Variants in CPS1 observed in about 807,000 individuals in gnomAD.
CPS1 encodes carbamoyl-phosphate synthase [ammonia], mitochondrial.
Under a neutral mutation model 174.6 loss-of-function variants are expected in CPS1, and 109 were observed. That is an observed-to-expected ratio of 0.62 (90% CI 0.53 to 0.73). The LOEUF is 0.73. CPS1 is among the 30% of genes least tolerant of loss of function. CPS1 has a pLI of 0.00. For synonymous variants in CPS1, 637 were observed against 632.0 expected (o/e 1.01, Z -0.12); for missense variants, 1,689 against 1,821.9 (o/e 0.93, Z 1.33).
At chr2:210,635,449 T>A (rs1392912368) in intron 21 of CPS1, among the ~76,000 whole-genome samples, 1 of 152,254 alleles carries the variant, frequency 6.6e-6, no homozygotes, top group Admixed American at 6.5e-5. Flanking sequence ...TAGAAATTTC[T>A]GTGATGATGA....
At chr2:210,553,552 A>T (rs973211167), upstream of CPS1, among the ~76,000 whole-genome samples, 3 of 125,872 alleles carry the variant, frequency 2.4e-5, no homozygotes, top group African/African-American at 8.4e-5. Context: ...CCTGGCTCAC[A>T]AAGAATGTAC....
intron 20 of CPS1, among the ~76,000 whole-genome samples, chr2:210,614,235 A>C (rs1448206939): frequency 1.3e-5 from 2 of 151,938 alleles, no homozygotes; most frequent in Non-Finnish European, 2.9e-5. Flanking sequence ...ATGAGGTCTT[A>C]AGACTGGCAG....
intron 20 of CPS1, among the ~76,000 whole-genome samples, chr2:210,615,145 C>A (rs1474654004): frequency 6.6e-6 from 1 of 151,912 alleles, no homozygotes; most frequent in African/African-American, 2.4e-5. Context: ...TGTGTGAAAA[C>A]CTCCTTTGAT....
At chr2:210,657,974 T>C (rs139049241) in intron 30 of CPS1, among the ~76,000 whole-genome samples, 2 of 152,346 alleles carry the variant, frequency 1.3e-5, no homozygotes, top group East Asian at 3.9e-4. Context: ...TGAACCACTC[T>C]TGTGAGCATA....
At chr2:210,478,619 A>T (rs533279134) in intron 1 of CPS1, among the ~76,000 whole-genome samples, 1 of 152,248 alleles carries the variant, frequency 6.6e-6, no homozygotes, top group Non-Finnish European at 1.5e-5. Flanking sequence ...TTTCATTTCG[A>T]TGAAGTTAAA....
At chr2:210,557,609 A>C (rs16844619) in intron 1 of CPS1, among the ~76,000 whole-genome samples, 30,765 of 152,006 alleles carry the variant, frequency 0.2, 3,639 homozygotes, top group African/African-American at 0.31. Flanking sequence ...GAAGACGTTC[A>C]TTATCAGAGA....
chr2:210,572,579 C>T (rs2106071853), intron 1 of CPS1, among the ~76,000 whole-genome samples: 1 of 152,102 alleles, frequency 6.6e-6, no homozygotes, highest in South Asian at 2.1e-4. Flanking sequence ...TTGGTAGACA[C>T]TGGCTCAAAG....
At chr2:210,638,094 G>GAACAA (rs764172615) in intron 22 of CPS1, among the ~76,000 whole-genome samples, 1 of 152,080 alleles carries the variant, frequency 6.6e-6, no homozygotes, top group Non-Finnish European at 1.5e-5. Context: ...TGGCCTAACT[G>GAACAA]AACAAAACAA....
Position 210,606,765 on chromosome 2 carries a change from C to T in CPS1, c.2016C>T (p.Leu672=), listed in dbSNP as rs1361380078. 2 of 1,612,526 alleles carry T rather than the reference C, an allele frequency of 1.2e-6. No homozygotes were observed. Among genetic ancestry groups the T allele is most frequent in the South Asian group, 1.1e-5 (1 of 91,066 alleles). Residue 672 remains leucine (L), a synonymous_variant, in exon 18 of 38, where the codon CTC becomes CTT. Coordinates refer to ENST00000233072, the MANE Select transcript of CPS1 (RefSeq NM_001875.5). ...TTGTTGTGGCTCCTGCCCAGACACT[C>T]TCCAATGCCGAGTTTCAGATGTTGA... ...DSVVVAPAQT[L]SNAEFQMLRR...
chr2:210,615,586 A>G (rs1248820976), intron 20 of CPS1, among the ~76,000 whole-genome samples: 1 of 152,014 alleles, frequency 6.6e-6, no homozygotes, highest in Non-Finnish European at 1.5e-5. Flanking sequence ...CACAGGGTAT[A>G]TACACGTACA....
chr2:210,675,047 GC>G (rs2105943032), intron 35 of CPS1, 86 bp downstream of exon 35: 1 of 1,053,958 alleles, frequency 9.5e-7, no homozygotes, highest in Non-Finnish European at 1.5e-6. Flanking sequence ...AAAAGAAATA[GC>G]CCAAAATATG....
intron 1 of CPS1, among the ~76,000 whole-genome samples, chr2:210,491,312 T>G (rs1301646133): frequency 0.013 from 1,091 of 86,468 alleles, 113 homozygotes; most frequent in Non-Finnish European, 0.019. Context: ...TCTGTGTTTT[T>G]TTTTTTTTTT....
At chr2:210,667,501 C>T (rs1490073847) in intron 33 of CPS1, among the ~76,000 whole-genome samples, 1 of 152,080 alleles carries the variant, frequency 6.6e-6, no homozygotes, top group Non-Finnish European at 1.5e-5. Flanking sequence ...CTAAATGGAA[C>T]TTCTGTATAC....
At chr2:210,559,476 G>T (rs1697028883) in intron 1 of CPS1, among the ~76,000 whole-genome samples, 1 of 152,046 alleles carries the variant, frequency 6.6e-6, no homozygotes, top group African/African-American at 2.4e-5. Flanking sequence ...TTGCCAATCG[G>T]CACAGTTGTA....
At chr2:210,519,281 A>G (rs1267423276) in intron 1 of CPS1, among the ~76,000 whole-genome samples, 2 of 152,076 alleles carry the variant, frequency 1.3e-5, no homozygotes, top group African/African-American at 2.4e-5. Flanking sequence ...GATAAGTTAT[A>G]TGAAAATTCT....
At chr2:210,577,724 C>T (rs1332112704) in intron 4 of CPS1, among the ~76,000 whole-genome samples, 2 of 152,162 alleles carry the variant, frequency 1.3e-5, no homozygotes, top group Non-Finnish European at 2.9e-5. Context: ...CACTAGGTGG[C>T]ACTCATACAT....
At chr2:210,676,907 G>A in intron 36 of CPS1, 100 bp from the exon 37 acceptor site, 2 of 1,086,304 alleles carry the variant, frequency 1.8e-6, no homozygotes, top group South Asian at 1.3e-5. Flanking sequence ...ACTCAGCATG[G>A]CATTGACTTG....
intron 29 of CPS1, 96 bp from the exon 30 acceptor site, chr2:210,656,429 A>G (rs1409306108): frequency 8.5e-6 from 7 of 819,970 alleles, no homozygotes; most frequent in African/African-American, 1.7e-5. Context: ...TGCTCAGTGC[A>G]TCTGTTAGGA....
intron 1 of CPS1, among the ~76,000 whole-genome samples, chr2:210,521,490 C>G (rs1695825039): frequency 6.6e-6 from 1 of 151,882 alleles, no homozygotes; most frequent in Non-Finnish European, 1.5e-5. Flanking sequence ...ATTTTAACCA[C>G]TGATTTTCAC....
Sources: gnomAD v4.1 joint callset for allele counts (sites outside exome capture counted in the v4.1 genomes callset) on GRCh38, gnomAD v4.1.1 for gene constraint, MANE v1.5 for transcripts, NCBI Gene and HGNC (gene_info 2026-07-23, HGNC 2026-07-21) for gene names.